SLIT1: variants seen among roughly 807,000 people sequenced by gnomAD.
SLIT1 encodes the protein slit guidance ligand 1.
A neutral mutation model predicts 186.1 loss-of-function variants in SLIT1; 66 were observed. That is an observed-to-expected ratio of 0.35 (90% CI 0.29 to 0.44). SLIT1 has a LOEUF of 0.44. Ranked by LOEUF, SLIT1 falls within the 20% of genes least tolerant of loss-of-function variation. SLIT1 has a pLI of 1.00. For missense variants in SLIT1, 1,638 were observed against 2,037.4 expected, an observed-to-expected ratio of 0.80 and a Z score of 3.77; for synonymous variants, 761 against 833.8, an observed-to-expected ratio of 0.91 and a Z score of 1.50.
chr10:97,145,453 C>T (rs1344807075), intron 4 of SLIT1, among the ~76,000 whole-genome samples: 1 of 152,142 alleles, frequency 6.6e-6, no homozygotes, highest in Non-Finnish European at 1.5e-5. Flanking sequence ...ATGGAAAGCA[C>T]TTCCTTTCAG....
chr10:97,101,097 C>A (rs1849348520), intron 4 of SLIT1, among the ~76,000 whole-genome samples: 1 of 152,196 alleles, frequency 6.6e-6, no homozygotes, highest in South Asian at 2.1e-4. Flanking sequence ...GGCCACCCAG[C>A]ACTAGGGAGG....
chr10:97,129,661 C>T (rs2817707), intron 4 of SLIT1, among the ~76,000 whole-genome samples: 70,267 of 152,028 alleles, frequency 0.46, 19,004 homozygotes, highest in Non-Finnish European at 0.6. Context: ...TGGGAGGACC[C>T]GTGGCCCATC....
intron 4 of SLIT1, among the ~76,000 whole-genome samples, chr10:97,145,571 G>T (rs1018721708): frequency 1.3e-5 from 2 of 152,092 alleles, no homozygotes; most frequent in African/African-American, 4.8e-5. Flanking sequence ...TCCATGTGAG[G>T]GTCCACTCGT....
chr10:97,110,335 G>A (rs904606950), intron 4 of SLIT1, among the ~76,000 whole-genome samples: 10 of 152,092 alleles, frequency 6.6e-5, no homozygotes, highest in African/African-American at 9.7e-5. Context: ...GGTATTCACC[G>A]AAGACGCTCT....
At chr10:97,061,242 G>A (rs1473327448) in intron 8 of SLIT1, among the ~76,000 whole-genome samples, 1 of 152,186 alleles carries the variant, frequency 6.6e-6, no homozygotes. Flanking sequence ...TATTATTGTT[G>A]CCATTCTACA....
intron 4 of SLIT1, among the ~76,000 whole-genome samples, chr10:97,080,752 A>G (rs1320460853): frequency 1.3e-5 from 2 of 152,254 alleles, no homozygotes; most frequent in Non-Finnish European, 2.9e-5. Context: ...AAATAAATCA[A>G]TTTGACGTAT....
At chr10:97,121,978 C>T (rs1337447430) in intron 4 of SLIT1, among the ~76,000 whole-genome samples, 2 of 152,192 alleles carry the variant, frequency 1.3e-5, no homozygotes, top group Non-Finnish European at 2.9e-5. Context: ...AATTAACAAA[C>T]ACATTTTACA....
Position 97,018,990 on chromosome 10 carries a change from C to A in SLIT1, c.2864G>T (p.Gly955Val). Residue 955 changes from glycine (G) to valine (V), a missense_variant, in exon 27 of 37, where the codon GGC becomes GTC. Around this residue, in one of 3 missense-constraint regions of SLIT1, gnomAD observed 1,245 missense variants for 1,535.3 expected, o/e 0.81. Transcript: ENST00000266058. ...GCCTCTGCCTCCACTCACCTTATAG[C>A]CGCTGGGGCAGGCGCACCTGTACAC... ...LEVYRCACPS[G>V]YKGRDCEVSL... 6.2e-7 allele frequency: 1 copy of A among 1,606,854 alleles called. No homozygotes were observed. The highest frequency in any genetic ancestry group is 8.5e-7 in the Non-Finnish European group (1 of 1,173,564).
chr10:97,094,587 G>A (rs1463026629), intron 4 of SLIT1, among the ~76,000 whole-genome samples: 4 of 152,178 alleles, frequency 2.6e-5, no homozygotes, highest in East Asian at 1.9e-4. Context: ...ATACAATGTC[G>A]AGTTTGGGCA....
At chr10:97,047,542 G>T in intron 16 of SLIT1, 148 bp downstream of exon 16, 1 of 790,000 alleles carries the variant, frequency 1.3e-6, no homozygotes, top group Non-Finnish European at 2.1e-6. Context: ...GTTTCTTCCT[G>T]CCCAAGCCAG....
chr10:97,128,347 G>A (rs1356929937), intron 4 of SLIT1, among the ~76,000 whole-genome samples: 1 of 152,164 alleles, frequency 6.6e-6, no homozygotes, highest in Non-Finnish European at 1.5e-5. Flanking sequence ...ACAAGCAGGA[G>A]TGTTCATCTG....
chr10:97,089,526 G>A (rs538466357), intron 4 of SLIT1, among the ~76,000 whole-genome samples: 1 of 152,346 alleles, frequency 6.6e-6, no homozygotes, highest in Non-Finnish European at 1.5e-5. Context: ...GAAGATGAGT[G>A]TGAAGCCTGC....
Position 97,157,908 on chromosome 10 carries a change from A to C in SLIT1, c.342-19T>G. On this transcript the variant is annotated intron_variant, in intron 3 of 36. Transcript: ENST00000266058. The stretch of plus-strand genomic sequence containing the variant: ...CAGTCGCCTATAAAAGAGAAGAAGA[A>C]TTGGAAATCACCTAGACAGCCAGGA... The C allele has an allele frequency of 6.3e-7, 1 of 1,592,544 alleles. No homozygotes were observed. Among genetic ancestry groups the C allele is most frequent in the Non-Finnish European group, 8.6e-7 (1 of 1,160,532 alleles).
chr10:97,067,770 C>T (rs1246238140), intron 4 of SLIT1, among the ~76,000 whole-genome samples: 2 of 152,178 alleles, frequency 1.3e-5, no homozygotes, highest in East Asian at 1.9e-4. Flanking sequence ...AGCGGCAGAC[C>T]GTCCTGACAT....
chr10:97,182,491 A>G (rs148508688), intron 1 of SLIT1, among the ~76,000 whole-genome samples: 3 of 152,322 alleles, frequency 2.0e-5, no homozygotes, highest in Admixed American at 2.0e-4. Context: ...GGCCTCTTTC[A>G]AGATGTTCTT....
chr10:97,064,740 C>T (rs936566455), intron 6 of SLIT1, 65 bp downstream of exon 6: 38 of 1,234,418 alleles, frequency 3.1e-5, no homozygotes, highest in Non-Finnish European at 4.0e-5. Flanking sequence ...GCCTAGGCTG[C>T]GGCACTTGGC....
intron 31 of SLIT1, among the ~76,000 whole-genome samples, chr10:97,007,434 A>T (rs187103760): frequency 2.0e-4 from 30 of 152,332 alleles, no homozygotes; most frequent in African/African-American, 7.2e-4. Context: ...TTTCTAACTC[A>T]TTCTATGAGA....
At chr10:97,148,879 C>G (rs552302564) in intron 4 of SLIT1, among the ~76,000 whole-genome samples, 18 of 152,254 alleles carry the variant, frequency 1.2e-4, no homozygotes, top group Non-Finnish European at 1.9e-4. Flanking sequence ...GCACGCCTCT[C>G]TATTCAGAAT....
chr10:97,160,098 C>G (rs1376534806), intron 3 of SLIT1, among the ~76,000 whole-genome samples: 1 of 152,124 alleles, frequency 6.6e-6, no homozygotes, highest in African/African-American at 2.4e-5. Context: ...GGCCAGCTCC[C>G]AGGGTGACTG....
Sources: gnomAD v4.1 joint callset for allele counts (sites outside exome capture counted in the v4.1 genomes callset) on GRCh38, gnomAD v4.1.1 for gene constraint, gnomAD v4.1.1 regional missense constraint, MANE v1.5 for transcripts, NCBI Gene and HGNC (gene_info 2026-07-23, HGNC 2026-07-21) for gene names.